Variants in ASAP1 observed in about 807,000 individuals in gnomAD.
The protein encoded by ASAP1 is ArfGAP with SH3 domain, ankyrin repeat and PH domain 1, also known as arf-GAP with SH3 domain, ANK repeat and PH domain-containing protein 1.
ASAP1 carries 43 observed loss-of-function variants against 145.2 expected under a neutral mutation model. That is an observed-to-expected ratio of 0.30 (90% CI 0.23 to 0.38). The LOEUF (loss-of-function observed/expected upper bound fraction) is 0.38. ASAP1 is among the 10% of genes least tolerant of loss of function. ASAP1 has a pLI of 1.00. For synonymous variants in ASAP1, 546 were observed against 515.5 expected, an observed-to-expected ratio of 1.06 and a Z score of -0.80; for missense variants, 1,018 against 1,355.3, an observed-to-expected ratio of 0.75 and a Z score of 3.91.
At chr8:130,061,715 A>G (rs1191748583) in intron 27 of ASAP1, among the ~76,000 whole-genome samples, 1 of 152,206 alleles carries the variant, frequency 6.6e-6, no homozygotes, top group African/African-American at 2.4e-5. Flanking sequence ...TATGTCTTTT[A>G]AAAACCATAC....
chr8:130,160,763 C>T (rs60763799), intron 11 of ASAP1: 3 of 1,269,956 alleles, frequency 2.4e-6, no homozygotes, highest in East Asian at 1.1e-4. Flanking sequence ...ACAATATATT[C>T]TCATAAAAAG....
At chr8:130,240,605 C>T (rs1374956585) in intron 3 of ASAP1, among the ~76,000 whole-genome samples, 5 of 152,094 alleles carry the variant, frequency 3.3e-5, no homozygotes, top group Non-Finnish European at 5.9e-5. Context: ...TATGATAAAA[C>T]GTGTGCGGGC....
chr8:130,181,032 C>A, intron 7 of ASAP1, 152 bp from the exon 8 acceptor site: 1 of 513,342 alleles, frequency 1.9e-6, no homozygotes, highest in South Asian at 5.2e-5. Context: ...TGGTGGGGGT[C>A]AGTGATAACG....
intron 3 of ASAP1, among the ~76,000 whole-genome samples, chr8:130,278,616 G>T (rs1334817762): frequency 6.6e-6 from 1 of 152,144 alleles, no homozygotes; most frequent in Admixed American, 6.5e-5. Context: ...GCAGCTAAGA[G>T]TGCAAATATT....
At chr8:130,374,644 A>C (rs1481033652) in intron 2 of ASAP1, among the ~76,000 whole-genome samples, 2 of 152,254 alleles carry the variant, frequency 1.3e-5, no homozygotes, top group African/African-American at 4.8e-5. Context: ...AGCTCAGCGA[A>C]CTGGCATCAT....
chr8:130,136,852 G>T, intron 14 of ASAP1, 99 bp downstream of exon 14: 1 of 1,008,588 alleles, frequency 9.9e-7, no homozygotes, highest in Non-Finnish European at 1.6e-6. Context: ...AATGCCAACT[G>T]TGAGGAGCCC....
At chr8:130,392,635 T>C (rs140255866) in intron 2 of ASAP1, among the ~76,000 whole-genome samples, 101 of 152,332 alleles carry the variant, frequency 6.6e-4, no homozygotes, top group African/African-American at 2.2e-3. Context: ...ATGGAATAAC[T>C]GAAGCTGGGT....
At chr8:130,420,801 G>A (rs1177041437) in intron 1 of ASAP1, among the ~76,000 whole-genome samples, 1 of 151,556 alleles carries the variant, frequency 6.6e-6, no homozygotes, top group Non-Finnish European at 1.5e-5. Context: ...GCTGAGGCAG[G>A]AGAATCACTT....
chr8:130,335,648 C>T (rs1033664644), intron 3 of ASAP1, among the ~76,000 whole-genome samples: 4 of 152,166 alleles, frequency 2.6e-5, no homozygotes, highest in African/African-American at 9.7e-5. Flanking sequence ...AGATTCTGGG[C>T]CTGACTTTCC....
chr8:130,175,935 G>A (rs1813919343), intron 9 of ASAP1, among the ~76,000 whole-genome samples: 1 of 152,198 alleles, frequency 6.6e-6, no homozygotes, highest in African/African-American at 2.4e-5. Context: ...ATAAAGCAAT[G>A]TTTATAAATG....
chr8:130,069,199 A>C (rs1337085870), intron 27 of ASAP1, among the ~76,000 whole-genome samples: 1 of 152,222 alleles, frequency 6.6e-6, no homozygotes, highest in African/African-American at 2.4e-5. Context: ...GTTATTAAGA[A>C]ATGGAATGAA....
At chr8:130,394,378 T>A (rs113861525) in intron 2 of ASAP1, among the ~76,000 whole-genome samples, 13 of 152,270 alleles carry the variant, frequency 8.5e-5, no homozygotes, top group Admixed American at 7.2e-4. Context: ...CAGACTCCCA[T>A]AGCGCTCCCA....
At chr8:130,404,947 C>T (rs1005760887) in intron 1 of ASAP1, among the ~76,000 whole-genome samples, 1 of 151,836 alleles carries the variant, frequency 6.6e-6, no homozygotes, top group Non-Finnish European at 1.5e-5. Context: ...ACATGTGGAG[C>T]AGATCCCAAT....
At chr8:130,118,086 G>T in intron 20 of ASAP1, 75 bp downstream of exon 20, 2 of 1,256,856 alleles carry the variant, frequency 1.6e-6, no homozygotes, top group African/African-American at 1.5e-5. Flanking sequence ...CCCGATCTAG[G>T]CCACTGATAG....
intron 3 of ASAP1, among the ~76,000 whole-genome samples, chr8:130,248,528 T>C (rs1043657885): frequency 6.6e-6 from 1 of 152,098 alleles, no homozygotes; most frequent in African/African-American, 2.4e-5. Flanking sequence ...GTAAGGAGAC[T>C]GGATTGTATT....
intron 5 of ASAP1, among the ~76,000 whole-genome samples, chr8:130,201,097 T>G (rs1014830208): frequency 1.3e-5 from 2 of 152,194 alleles, no homozygotes; most frequent in African/African-American, 4.8e-5. Flanking sequence ...CCCAGCAACC[T>G]AAGTTTTAAC....
chr8:130,090,102 T>A (rs2097502379), intron 25 of ASAP1, among the ~76,000 whole-genome samples: 1 of 152,126 alleles, frequency 6.6e-6, no homozygotes, highest in African/African-American at 2.4e-5. Flanking sequence ...CCCTGACCCA[T>A]CAACAATGGG....
chr8:130,420,530 G>C (rs566046139), intron 1 of ASAP1, among the ~76,000 whole-genome samples: 4 of 152,120 alleles, frequency 2.6e-5, no homozygotes, highest in Non-Finnish European at 2.9e-5. Flanking sequence ...AAACCTATCA[G>C]CCAAGGAATG....
intron 3 of ASAP1, among the ~76,000 whole-genome samples, chr8:130,329,361 T>C (rs1824536916): frequency 6.6e-6 from 1 of 152,208 alleles, no homozygotes; most frequent in Non-Finnish European, 1.5e-5. Flanking sequence ...GCTTGGCTCT[T>C]TTCATTTAAG....
Sources: allele counts gnomAD v4.1 joint callset (sites outside exome capture counted in the v4.1 genomes callset), GRCh38; gene constraint gnomAD v4.1.1; transcripts MANE v1.5; gene names NCBI Gene and HGNC (gene_info 2026-07-23, HGNC 2026-07-21).